MOSPD2: variants seen among roughly 807,000 people sequenced by gnomAD.
MOSPD2 encodes the protein motile sperm domain containing 2.
Under a neutral mutation model 41.7 loss-of-function variants are expected in MOSPD2, and 5 were observed. The observed-to-expected ratio is 0.12, with a 90% CI of 0.06 to 0.25. The LOEUF is 0.25. MOSPD2 is among the 10% of genes least tolerant of loss of function. The probability of loss-of-function intolerance (pLI) is 1.00; values close to 1 mark genes in which losing one functional copy is unlikely to be tolerated. For synonymous variants in MOSPD2, 115 were observed against 126.9 expected (o/e 0.91, Z 0.63); for missense variants, 282 against 375.2 (o/e 0.75, Z 2.05).
chrX:14,918,897 C>T, intron 14 of MOSPD2, 115 bp downstream of exon 14: 1 of 513,074 alleles, frequency 1.9e-6, no homozygotes, highest in Non-Finnish European at 3.3e-6. Flanking sequence ...GATAGAAATA[C>T]TGTCTTCTTT....
intron 13 of MOSPD2, among the ~76,000 whole-genome samples, chrX:14,917,353 AG>A: frequency 8.9e-6 from 1 of 112,019 alleles, no homozygotes; most frequent in African/African-American, 3.2e-5. Flanking sequence ...AGGAACAACA[AG>A]GAAGTCACTG....
intron 8 of MOSPD2, 112 bp from the exon 9 acceptor site, chrX:14,911,125 A>G (rs2092590996): frequency 1.6e-6 from 1 of 628,485 alleles, no homozygotes; most frequent in Non-Finnish European, 2.4e-6. Flanking sequence ...TTTAAATTTC[A>G]TGATCTAATT....
chrX:14,902,584 A>G (rs2147494943), intron 6 of MOSPD2, among the ~76,000 whole-genome samples: 1 of 112,359 alleles, frequency 8.9e-6, no homozygotes, highest in South Asian at 3.6e-4. Flanking sequence ...TTTAAAGTTC[A>G]GTGGCTTCAG....
intron 8 of MOSPD2, among the ~76,000 whole-genome samples, chrX:14,910,988 C>G (rs2092590761): frequency 9.1e-6 from 1 of 110,132 alleles, no homozygotes; most frequent in Non-Finnish European, 1.9e-5. Flanking sequence ...AAGCTTTTAT[C>G]CATCTGAAAT....
At chrX:14,896,527 G>A (rs111726813) in intron 4 of MOSPD2, among the ~76,000 whole-genome samples, 3,348 of 111,451 alleles carry the variant, frequency 0.03, 96 homozygotes, top group African/African-American at 0.09. Flanking sequence ...GCTATTGCCC[G>A]AAAGGTGTTC....
intron 10 of MOSPD2, among the ~76,000 whole-genome samples, chrX:14,912,889 T>A (rs1228860267): frequency 8.9e-6 from 1 of 112,291 alleles, no homozygotes; most frequent in Non-Finnish European, 1.9e-5. Context: ...TTGGTAAATA[T>A]ATTTTGCCTT....
At chrX:14,888,225 C>T (rs1379333180) in intron 2 of MOSPD2, among the ~76,000 whole-genome samples, 1 of 97,337 alleles carries the variant, frequency 1.0e-5, no homozygotes, top group Admixed American at 1.1e-4. Context: ...CACACACACA[C>T]ACACACACAC....
At chrX:14,882,369 A>T (rs1168555147) in intron 2 of MOSPD2, among the ~76,000 whole-genome samples, 1 of 111,251 alleles carries the variant, frequency 9.0e-6, no homozygotes, top group Non-Finnish European at 1.9e-5. Context: ...GATTCAAGAG[A>T]TATGAGTCAA....
intron 9 of MOSPD2, among the ~76,000 whole-genome samples, chrX:14,911,944 G>T (rs1176140176): frequency 1.8e-5 from 2 of 112,076 alleles, no homozygotes; most frequent in African/African-American, 6.5e-5. Flanking sequence ...AACACATCTA[G>T]AAGTAATTGT....
chrX:14,921,583 C>T lies in MOSPD2; in HGVS notation c.*1774C>T. 2 of 326,832 alleles carry T rather than the reference C, an allele frequency of 6.1e-6. No homozygotes were observed. Among genetic ancestry groups the T allele is most frequent in the Admixed American group, 1.3e-4 (2 of 15,957 alleles). The allele number at this position is 326,832 out of a possible 1,213,427, so 26.9% of individuals were successfully genotyped here. Reference sequence around the variant, plus strand: ...TAGCCAAGATTGAAAATGTATTGTCCTAACGGTGTCCCTTTAATGTTTCAT... The same window carrying T: ...TAGCCAAGATTGAAAATGTATTGTCTTAACGGTGTCCCTTTAATGTTTCAT... On this transcript the variant is annotated 3_prime_UTR_variant, in exon 15 of 15. Transcript: ENST00000380492.
intron 6 of MOSPD2, among the ~76,000 whole-genome samples, chrX:14,902,713 A>G (rs1255233940): frequency 8.9e-6 from 1 of 112,115 alleles, no homozygotes; most frequent in Admixed American, 9.5e-5. Flanking sequence ...TTACCAGAGG[A>G]CAGTGACAGT....
At chrX:14,918,861 TAAAG>T (rs1455631246) in intron 14 of MOSPD2, 79 bp downstream of exon 14, 4 of 645,840 alleles carry the variant, frequency 6.2e-6, no homozygotes, top group East Asian at 6.8e-5. Context: ...CTCACGGACA[TAAAG>T]AAAAACATTT....
chrX:14,878,476 CA>C (rs57715022), intron 2 of MOSPD2, among the ~76,000 whole-genome samples: 1,528 of 111,997 alleles, frequency 0.014, 25 homozygotes, highest in African/African-American at 0.046. Context: ...GTAGTTTAAA[CA>C]TTTTTTTATT....
intron 6 of MOSPD2, 85 bp from the exon 7 acceptor site, chrX:14,902,881 A>G (rs1418139619): frequency 6.1e-6 from 4 of 656,375 alleles, no homozygotes; most frequent in Admixed American, 5.8e-5. Context: ...TTAAATTTAG[A>G]TGACCAGTTT....
chrX:14,888,451 G>T (rs2092547030), intron 2 of MOSPD2, among the ~76,000 whole-genome samples: 2 of 110,398 alleles, frequency 1.8e-5, no homozygotes, highest in Non-Finnish European at 3.8e-5. Flanking sequence ...AAAAATGGGA[G>T]TTTCCCTGCA....
At chrX:14,908,486 T>G (rs2092586110) in intron 7 of MOSPD2, among the ~76,000 whole-genome samples, 1 of 111,521 alleles carries the variant, frequency 9.0e-6, no homozygotes, top group African/African-American at 3.3e-5. Context: ...AACCATAAGG[T>G]AAATGACTCT....
At chrX:14,886,301 G>A (rs2092541118) in intron 2 of MOSPD2, among the ~76,000 whole-genome samples, 1 of 110,840 alleles carries the variant, frequency 9.0e-6, no homozygotes, top group Non-Finnish European at 1.9e-5. Flanking sequence ...AATTAACCTG[G>A]ATAACTGGCT....
chrX:14,888,750 A>G (rs1440668686), intron 2 of MOSPD2, among the ~76,000 whole-genome samples: 3 of 108,788 alleles, frequency 2.8e-5, no homozygotes, highest in Non-Finnish European at 5.7e-5. Context: ...TTTTTCAAAA[A>G]AATGTCCTAG....
At chrX:14,897,330 T>C (rs755657814) in intron 5 of MOSPD2, 92 bp downstream of exon 5, 1 of 717,896 alleles carries the variant, frequency 1.4e-6, no homozygotes, top group East Asian at 3.3e-5. Flanking sequence ...TGCTGTAAAA[T>C]TGAGGTAACT....
Sources: gnomAD v4.1 joint callset for allele counts (sites outside exome capture counted in the v4.1 genomes callset) on GRCh38, gnomAD v4.1.1 for gene constraint, MANE v1.5 for transcripts, NCBI Gene and HGNC (gene_info 2026-07-23, HGNC 2026-07-21) for gene names.